STPG3: variants seen among roughly 807,000 people sequenced by gnomAD.
STPG3 encodes sperm-tail PG-rich repeat containing 3.
Under a neutral mutation model 32.5 loss-of-function variants are expected in STPG3, and 39 were observed. The ratio of observed to expected loss-of-function variants is 1.20; its 90% CI spans 0.93 to 1.57. STPG3 has a LOEUF of 1.57. Ranked by LOEUF, STPG3 falls within the 40% of genes most tolerant of loss-of-function variation. The pLI, the probability that STPG3 is intolerant of heterozygous loss-of-function variation, is 0.00. For synonymous variants in STPG3, 209 were observed against 172.4 expected (o/e 1.21, Z -1.66); for missense variants, 507 against 407.6 (o/e 1.24, Z -2.10).
Position 137,253,302 on chromosome 9 carries a change from CG to C in STPG3, c.*61del. ...CACCGAGTGGAACCATGGCCTCCCCCGGGGCTTTCCCAGGCCTCCCCTGGGA... is the reference window on the plus strand; with the variant it reads ...CACCGAGTGGAACCATGGCCTCCCCCGGGCTTTCCCAGGCCTCCCCTGGGA... On this transcript the variant is annotated 3_prime_UTR_variant, in exon 6 of 6. Transcript: ENST00000412566. 6.4e-7 allele frequency: 1 copy of C among 1,563,760 alleles called. No individual in the cohort carries two copies. Among genetic ancestry groups the C allele is most frequent in the Middle Eastern group, 1.7e-4 (1 of 5,994 alleles).
chr9:137,252,112 T>A lies in STPG3; in HGVS notation c.380T>A (p.Ile127Asn), dbSNP rs1203588616. 6 of 1,611,652 alleles carry A rather than the reference T, an allele frequency of 3.7e-6. No homozygotes were observed. The East Asian group carries it at 1.3e-4, about 36-fold the overall frequency. ...RESSPHPHYS[I>N]GCKHQGREGG... is the part of the protein sequence containing the mutation. ...TCCTCCCCACACCCCCACTACAGCA[T>A]CGGCTGCAAGCACCAGGGCCGAGGT... The change falls in exon 3 of 6, where the codon ATC (isoleucine) becomes AAC (asparagine). Residue 127 changes from isoleucine to asparagine, a missense_variant. Transcript: ENST00000412566.
At chr9:137,252,177 C>T in intron 3 of STPG3, 42 bp downstream of exon 3, 1 of 1,579,164 alleles carries the variant, frequency 6.3e-7, no homozygotes, top group Non-Finnish European at 8.6e-7. Context: ...GGGCCTGTCC[C>T]TCACCCTGGG....
Position 137,253,296 on chromosome 9 carries a change from C to G in STPG3, c.*51C>G, listed in dbSNP as rs775359581. On this transcript the variant is annotated 3_prime_UTR_variant, in exon 6 of 6. Transcript: ENST00000412566. ...CCCGGCCACCGAGTGGAACCATGGCCTCCCCCGGGGCTTTCCCAGGCCTCC... is the reference window on the plus strand; with the variant it reads ...CCCGGCCACCGAGTGGAACCATGGCGTCCCCCGGGGCTTTCCCAGGCCTCC... 1 of 1,569,460 alleles carries G rather than the reference C, an allele frequency of 6.4e-7. No homozygotes were observed. Among genetic ancestry groups the G allele is most frequent in the Non-Finnish European group, 8.6e-7 (1 of 1,158,342 alleles).
At position 137,253,028 on chromosome 9, in the gene STPG3, G is replaced by A. The variant is rs1837442487; in HGVS notation, c.796+63G>A. 5.2e-6 allele frequency: 8 copies of A among 1,530,552 alleles called. No homozygotes were observed. In the South Asian group the frequency reaches 7.4e-5, roughly 14 times the overall value. The allele number at this position is 1,530,552 out of a possible 1,614,324, so 94.8% of individuals were successfully genotyped here. ...CATGGGTGGGCAATGTGAGGACAAGGGTTCAGGGGCCGGGGGTGGGAACTG... is the reference window on the plus strand; with the variant it reads ...CATGGGTGGGCAATGTGAGGACAAGAGTTCAGGGGCCGGGGGTGGGAACTG... On this transcript the variant is annotated intron_variant, in intron 5 of 5. Transcript: ENST00000412566.
In STPG3 at chr9:137,253,123, C is replaced by G; in HGVS notation, c.805C>G (p.Pro269Ala). 6.4e-7 allele frequency: 1 copy of G among 1,572,226 alleles called. No homozygotes were observed. The change falls in exon 6 of 6, where the codon CCT becomes GCT. Residue 269 changes from proline to alanine, a missense_variant. By Grantham distance (27) the Pro-to-Ala change is conservative. Coordinates refer to ENST00000412566, the MANE Select transcript of STPG3 (RefSeq NM_001004353.4). ...FTSWLSTSRT[P>A]GPAAYHVEDC... ...GCCTTCTCTTTCGGCAGCCCGAACCCCTGGCCCAGCCGCCTACCACGTGGA... is the reference window on the plus strand; with the variant it reads ...GCCTTCTCTTTCGGCAGCCCGAACCGCTGGCCCAGCCGCCTACCACGTGGA...
intron 2 of STPG3, 23 bp from the exon 3 acceptor site, chr9:137,251,978 C>T (rs1837348666): frequency 1.2e-6 from 2 of 1,605,200 alleles, no homozygotes; most frequent in East Asian, 4.5e-5. Flanking sequence ...AGCCCAGGCC[C>T]AGAGCTTGCT....
intron 5 of STPG3, 74 bp downstream of exon 5, chr9:137,253,039 CG>C: frequency 6.6e-7 from 1 of 1,516,532 alleles, no homozygotes; most frequent in Non-Finnish European, 8.9e-7. Context: ...GTTCAGGGGC[CG>C]GGGGTGGGAA....
In STPG3 at chr9:137,252,100, C is replaced by T. The variant is rs1204904689; in HGVS notation, c.368C>T (p.Pro123Leu). Residue 123 changes from proline to leucine, a missense_variant, in exon 3 of 6, where the codon CCC (proline) becomes CTC (leucine). Coordinates refer to ENST00000412566, the MANE Select transcript of STPG3 (RefSeq NM_001004353.4). ...TCCGTACGAGAGTCCTCCCCACACC[C>T]CCACTACAGCATCGGCTGCAAGCAC... ...SPSVRESSPH[P>L]HYSIGCKHQG... The T allele has an allele frequency of 5.6e-6, 9 of 1,612,354 alleles. No individual in the cohort carries two copies. Among genetic ancestry groups the T allele is most frequent in the Non-Finnish European group, 7.6e-6 (9 of 1,179,752 alleles).
In STPG3 at chr9:137,252,658, G is replaced by A. The variant is rs562398032; in HGVS notation, c.493-4G>A. The A allele has an allele frequency of 1.5e-5, 23 of 1,539,942 alleles. No homozygotes were observed. Among genetic ancestry groups the A allele is most frequent in the East Asian group, 2.5e-5 (1 of 40,608 alleles). On this transcript the variant is annotated splice_polypyrimidine_tract_variant and splice_region_variant and intron_variant, in intron 4 of 5. Coordinates refer to ENST00000412566, the MANE Select transcript of STPG3 (RefSeq NM_001004353.4). ...CCTGCAGCCCGTCTCCTACCCCCTC[G>A]CAGTGGCCCTCGCCAGCCCACTACC...
In STPG3 at chr9:137,252,113, C is replaced by A. The variant is rs747878784; in HGVS notation, c.381C>A (p.Ile127=). 2 of 1,611,548 alleles carry A rather than the reference C, an allele frequency of 1.2e-6. No homozygotes were observed. The highest frequency in any genetic ancestry group is 8.5e-7 in the Non-Finnish European group (1 of 1,179,616). ...CCTCCCCACACCCCCACTACAGCAT[C>A]GGCTGCAAGCACCAGGGCCGAGGTG... The part of the protein sequence containing the change: ...RESSPHPHYS[I]GCKHQGREGG... The change falls in exon 3 of 6, where the codon ATC becomes ATA. Residue 127 remains isoleucine, a synonymous_variant. Coordinates refer to ENST00000412566, the MANE Select transcript of STPG3 (RefSeq NM_001004353.4).
In STPG3 at chr9:137,253,112, C is replaced by T; in HGVS notation, c.797-3C>T. 6.4e-7 allele frequency: 1 copy of T among 1,553,636 alleles called. No individual in the cohort carries two copies. The highest frequency in any genetic ancestry group is 8.7e-7 in the Non-Finnish European group (1 of 1,147,112). ...TGGGGCTCCCAGCCTTCTCTTTCGG[C>T]AGCCCGAACCCCTGGCCCAGCCGCC... On this transcript the variant is annotated splice_polypyrimidine_tract_variant and splice_region_variant and intron_variant, in intron 5 of 5. Coordinates refer to ENST00000412566, the MANE Select transcript of STPG3 (RefSeq NM_001004353.4).
Position 137,253,320 on chromosome 9 carries a change from C to T in STPG3, c.*75C>T. 1.3e-6 allele frequency: 2 copies of T among 1,553,358 alleles called. No homozygotes were observed. Among genetic ancestry groups the T allele is most frequent in the Non-Finnish European group, 1.7e-6 (2 of 1,149,638 alleles). ...CCTCCCCCGGGGCTTTCCCAGGCCTCCCCTGGGACTTGGGGCCCCAGCCTG... is the reference window on the plus strand; with the variant it reads ...CCTCCCCCGGGGCTTTCCCAGGCCTTCCCTGGGACTTGGGGCCCCAGCCTG... On this transcript the variant is annotated 3_prime_UTR_variant, in exon 6 of 6. Coordinates refer to ENST00000412566, the MANE Select transcript of STPG3 (RefSeq NM_001004353.4).
rs1287678024 is a variant in STPG3, at chr9:137,253,204, A to G, written c.886A>G (p.Arg296Gly). 2.5e-6 allele frequency: 4 copies of G among 1,609,112 alleles called. No individual in the cohort carries two copies. The highest frequency in any genetic ancestry group is 2.5e-6 in the Non-Finnish European group (3 of 1,178,204). Reference sequence around the variant, plus strand: ...TGGCGTGGTCATCCAGGGTGTACGCAGACCCAAGCGCCACGACACAGGCCC... The same window carrying G: ...TGGCGTGGTCATCCAGGGTGTACGCGGACCCAAGCGCCACGACACAGGCCC... The part of the protein sequence containing the change: ...APGVVIQGVR[R>G]PKRHDTGPFC... Residue 296 changes from arginine to glycine, a missense_variant, in exon 6 of 6, where the codon AGA (arginine) becomes GGA (glycine). Transcript: ENST00000412566.
In STPG3 at chr9:137,252,447, C is replaced by T. The variant is rs1156676865; in HGVS notation, c.414C>T (p.Gly138=). ...GCKHQGREGG[G]RRAWQTLWFQ... is the part of the protein sequence containing the mutation. ...ATCCTCCAACTACAGAGGGCGGTGGCCGCAGGGCATGGCAGACTTTGTGGT... is the reference window on the plus strand; with the variant it reads ...ATCCTCCAACTACAGAGGGCGGTGGTCGCAGGGCATGGCAGACTTTGTGGT... The change falls in exon 4 of 6, where the codon GGC becomes GGT. Residue 138 remains glycine (G), a synonymous_variant. Transcript: ENST00000412566. 5.0e-6 allele frequency: 8 copies of T among 1,610,610 alleles called. No individual in the cohort carries two copies. The highest frequency in any genetic ancestry group is 5.9e-6 in the Non-Finnish European group (7 of 1,178,676).
Position 137,251,872 on chromosome 9 carries a change from A to G in STPG3, c.245A>G (p.Tyr82Cys), listed in dbSNP as rs773681451. 60 of 1,608,796 alleles carry G rather than the reference A, an allele frequency of 3.7e-5. 1 individual carries two copies. In the South Asian group the frequency reaches 6.1e-4, roughly 16 times the overall value. The change falls in exon 2 of 6, where the codon TAC (tyrosine) becomes TGC (cysteine). Residue 82 changes from tyrosine to cysteine, a missense_variant. Physicochemically the swap from Tyr to Cys is radical, Grantham distance 194 (BLOSUM62 -2). Coordinates refer to ENST00000412566, the MANE Select transcript of STPG3 (RefSeq NM_001004353.4). ...TGTPQESLPT[Y>C]TQTLRELLLE... Reference sequence around the variant, plus strand: ...ACCCCCCAGGAGTCCCTGCCCACCTACACCCAGACCCTGAGGGAACTATGT... The same window carrying G: ...ACCCCCCAGGAGTCCCTGCCCACCTGCACCCAGACCCTGAGGGAACTATGT...
At position 137,251,767 on chromosome 9, in the gene STPG3, C is replaced by T. The variant is rs200313176; in HGVS notation, c.140C>T (p.Pro47Leu). The T allele has an allele frequency of 8.9e-5, 141 of 1,582,420 alleles. No individual in the cohort carries two copies. The highest frequency in any genetic ancestry group is 1.7e-4 in the Middle Eastern group (1 of 6,042). Residue 47 changes from proline (P) to leucine (L), a missense_variant, in exon 2 of 6, where the codon CCG (proline) becomes CTG (leucine). Physicochemically the swap from Pro to Leu is moderately conservative, Grantham distance 98. Coordinates refer to ENST00000412566, the MANE Select transcript of STPG3 (RefSeq NM_001004353.4). ...AAGGCATCTGTGCTGTTGTTGGGCC[C>T]GGAGCCGGGGATGGCCTGGGATGAG... ...QPKASVLLLG[P>L]EPGMAWDETQ...
At chr9:137,251,591 A>G in intron 1 of STPG3, 147 bp from the exon 2 acceptor site, 1 of 994,340 alleles carries the variant, frequency 1.0e-6, no homozygotes, top group Non-Finnish European at 1.4e-6. Flanking sequence ...GGGAGCGGCC[A>G]GGGGCTGAGG....
chr9:137,251,502 G>C (rs1487814035), intron 1 of STPG3, 106 bp downstream of exon 1: 8 of 1,020,552 alleles, frequency 7.8e-6, no homozygotes, highest in Non-Finnish European at 1.0e-5. Flanking sequence ...GGGGACTGAG[G>C]GACAGTGTGG....
In STPG3 at chr9:137,252,101, C is replaced by T. The variant is rs1837362960; in HGVS notation, c.369C>T (p.Pro123=). Residue 123 remains proline (P), a synonymous_variant, in exon 3 of 6, where the codon CCC becomes CCT. Transcript: ENST00000412566. ...CCGTACGAGAGTCCTCCCCACACCC[C>T]CACTACAGCATCGGCTGCAAGCACC... ...SPSVRESSPH[P]HYSIGCKHQG... 6.2e-7 allele frequency: 1 copy of T among 1,612,450 alleles called. No homozygotes were observed. Among genetic ancestry groups the T allele is most frequent in the Non-Finnish European group, 8.5e-7 (1 of 1,179,744 alleles).
Sources: gnomAD v4.1 joint callset for allele counts on GRCh38, gnomAD v4.1.1 for gene constraint, MANE v1.5 for transcripts, NCBI Gene and HGNC (gene_info 2026-07-23, HGNC 2026-07-21) for gene names.